The following SLC39A11 variants were observed in gnomAD, a reference collection of about 807,000 sequenced individuals.
SLC39A11 encodes the protein zinc transporter ZIP11.
A neutral mutation model predicts 36.1 loss-of-function variants in SLC39A11; 33 were observed. That is an observed-to-expected ratio of 0.91 (90% CI 0.69 to 1.22). The LOEUF is 1.22. SLC39A11 is among the 50% of genes most tolerant of loss of function. The probability of loss-of-function intolerance (pLI) is 0.00; values close to 1 mark genes in which losing one functional copy is unlikely to be tolerated. For synonymous variants in SLC39A11, 166 were observed against 170.3 expected (o/e 0.97, Z 0.20); for missense variants, 432 against 430.3 (o/e 1.00, Z -0.03).
chr17:72,997,352 C>T (rs1032655046), intron 4 of SLC39A11, among the ~76,000 whole-genome samples: 1 of 152,192 alleles, frequency 6.6e-6, no homozygotes, highest in African/African-American at 2.4e-5. Context: ...CTCCCAGGTT[C>T]AAGCGATTCT....
intron 3 of SLC39A11, among the ~76,000 whole-genome samples, chr17:73,047,397 T>C (rs935122747): frequency 4.6e-5 from 7 of 152,126 alleles, no homozygotes; most frequent in Admixed American, 3.9e-4. Context: ...CTGGGGGATG[T>C]TGGGTAAGAG....
chr17:72,764,867 G>T lies in SLC39A11; in HGVS notation c.602-28148C>A, dbSNP rs376400961. Among the ~76,000 whole-genome samples, 3 of 152,286 alleles carry T rather than the reference G, an allele frequency of 2.0e-5. No homozygotes were observed. The East Asian group carries it at 5.8e-4, about 29-fold the overall frequency. ...AGTCATCCATCCAGTGATGGTGGAGGTAGACCAATCTGAAACCACCTTTGC... is the reference window on the plus strand; with the variant it reads ...AGTCATCCATCCAGTGATGGTGGAGTTAGACCAATCTGAAACCACCTTTGC... On this transcript the variant is annotated intron_variant, in intron 6 of 9. Coordinates refer to ENST00000255559, the MANE Select transcript of SLC39A11 (RefSeq NM_139177.4).
chr17:72,724,825 A>C (rs1253887170), intron 7 of SLC39A11, among the ~76,000 whole-genome samples: 1 of 151,734 alleles, frequency 6.6e-6, no homozygotes, highest in Non-Finnish European at 1.5e-5. Flanking sequence ...AATACTTAAG[A>C]GGCAAGATGA....
rs560374202 is a variant in SLC39A11, at chr17:73,061,358, T to G, written c.147+23450A>C. On this transcript the variant is annotated intron_variant, in intron 3 of 9. Coordinates refer to ENST00000255559, the MANE Select transcript of SLC39A11 (RefSeq NM_139177.4). Reference sequence around the variant, plus strand: ...TTGGGCAACAGGGCAAGACTCTGTCTCAAGGAAAAAAAAATTCTCAGAACT... The same window carrying G: ...TTGGGCAACAGGGCAAGACTCTGTCGCAAGGAAAAAAAAATTCTCAGAACT... 2.0e-5 allele frequency among the ~76,000 whole-genome samples: 3 copies of G among 152,132 alleles called. No individual in the cohort carries two copies. In the East Asian group the frequency reaches 5.8e-4, roughly 29 times the overall value.
chr17:72,677,219 C>T (rs1196922033), intron 7 of SLC39A11, among the ~76,000 whole-genome samples: 1 of 152,280 alleles, frequency 6.6e-6, no homozygotes, highest in East Asian at 1.9e-4. Context: ...ATTCCTGACC[C>T]TAGTGGGGTG....
At chr17:72,691,166 C>T (rs867675561) in intron 7 of SLC39A11, among the ~76,000 whole-genome samples, 1 of 152,286 alleles carries the variant, frequency 6.6e-6, no homozygotes, top group East Asian at 1.9e-4. Flanking sequence ...GTGAGGCCTA[C>T]TGAACAACCC....
chr17:72,888,903 CA>C (rs1272999948), intron 5 of SLC39A11, among the ~76,000 whole-genome samples: 1 of 146,608 alleles, frequency 6.8e-6, no homozygotes, highest in Non-Finnish European at 1.5e-5. Flanking sequence ...CCCTGTCTCT[CA>C]AAAAAAAAGA....
At chr17:72,818,366 G>C (rs570103450) in intron 6 of SLC39A11, among the ~76,000 whole-genome samples, 52 of 152,276 alleles carry the variant, frequency 3.4e-4, no homozygotes, top group African/African-American at 1.3e-3. Flanking sequence ...ACCTGGAGAG[G>C]TATCTGGAGG....
intron 5 of SLC39A11, among the ~76,000 whole-genome samples, chr17:72,904,782 T>C (rs2082564741): frequency 6.6e-6 from 1 of 152,112 alleles, no homozygotes; most frequent in Non-Finnish European, 1.5e-5. Flanking sequence ...ACAAATGTGG[T>C]CCCCGAAGGT....
At position 72,752,306 on chromosome 17, in the gene SLC39A11, G is replaced by A. The variant is rs143856067; in HGVS notation, c.602-15587C>T. Among the ~76,000 whole-genome samples the A allele has an allele frequency of 4.7e-4, 71 of 152,202 alleles. 1 individual carries two copies. The East Asian group carries it at 0.011, about 24-fold the overall frequency. On this transcript the variant is annotated intron_variant, in intron 6 of 9. Transcript: ENST00000255559. ...GTCACCCGGGCTGGAGAGCAGTGGCGTGATCTTGGCTTACTGCAGCCTCCG... is the reference window on the plus strand; with the variant it reads ...GTCACCCGGGCTGGAGAGCAGTGGCATGATCTTGGCTTACTGCAGCCTCCG...
At chr17:72,967,956 C>T (rs2087138198) in intron 4 of SLC39A11, among the ~76,000 whole-genome samples, 1 of 152,144 alleles carries the variant, frequency 6.6e-6, no homozygotes, top group Admixed American at 6.5e-5. Context: ...ACGTGGAGAA[C>T]TAATAGCATT....
chr17:72,817,422 G>A (rs935421078), intron 6 of SLC39A11, among the ~76,000 whole-genome samples: 1 of 152,006 alleles, frequency 6.6e-6, no homozygotes, highest in African/African-American at 2.4e-5. Context: ...AACTAAGAGT[G>A]AGAACTTGCT....
intron 4 of SLC39A11, among the ~76,000 whole-genome samples, chr17:72,978,087 C>T (rs143431233): frequency 2.9e-4 from 44 of 152,360 alleles, no homozygotes; most frequent in African/African-American, 7.9e-4. Context: ...CTCCAGCCTG[C>T]GAACGCAGGG....
At chr17:72,690,137 G>A (rs2071957171) in intron 7 of SLC39A11, among the ~76,000 whole-genome samples, 1 of 152,222 alleles carries the variant, frequency 6.6e-6, no homozygotes, top group African/African-American at 2.4e-5. Flanking sequence ...TCTGTACCCA[G>A]GCTGGTGGCG....
chr17:72,732,290 AGGCGTGAGCCAC>A (rs2074265287), intron 7 of SLC39A11, among the ~76,000 whole-genome samples: 1 of 152,036 alleles, frequency 6.6e-6, no homozygotes, highest in East Asian at 1.9e-4. Context: ...ACGGGATTAT[AGGCGTGAGCCAC>A]GGCACCTGGC....
At chr17:72,907,816 A>G (rs1473765153) in intron 5 of SLC39A11, among the ~76,000 whole-genome samples, 2 of 152,254 alleles carry the variant, frequency 1.3e-5, no homozygotes, top group African/African-American at 4.8e-5. Flanking sequence ...GCAGGGAAAC[A>G]GTCTGCACCC....
intron 5 of SLC39A11, among the ~76,000 whole-genome samples, chr17:72,946,548 C>T (rs1410953652): frequency 6.6e-6 from 1 of 152,150 alleles, no homozygotes; most frequent in Non-Finnish European, 1.5e-5. Flanking sequence ...GACTGTTCTC[C>T]CTGAAATCAC....
intron 6 of SLC39A11, among the ~76,000 whole-genome samples, chr17:72,815,513 A>T (rs2077553903): frequency 1.3e-5 from 2 of 152,180 alleles, no homozygotes; most frequent in Non-Finnish European, 2.9e-5. Context: ...GCTACTTGGG[A>T]GGCTGAGACA....
At chr17:72,891,479 G>A (rs1461047173) in intron 5 of SLC39A11, among the ~76,000 whole-genome samples, 1 of 152,082 alleles carries the variant, frequency 6.6e-6, no homozygotes, top group Non-Finnish European at 1.5e-5. Flanking sequence ...TTCCCCAGCT[G>A]CCTTTCCAAT....
Sources: gnomAD v4.1 joint callset for allele counts (sites outside exome capture counted in the v4.1 genomes callset) on GRCh38, gnomAD v4.1.1 for gene constraint, MANE v1.5 for transcripts, NCBI Gene and HGNC (gene_info 2026-07-23, HGNC 2026-07-21) for gene names.